RIMBP2: variants seen among roughly 807,000 people sequenced by gnomAD.
The protein encoded by RIMBP2 is RIMS-binding protein 2.
A neutral mutation model predicts 118.6 loss-of-function variants in RIMBP2; 48 were observed. The ratio of observed to expected loss-of-function variants is 0.40; its 90% confidence interval spans 0.32 to 0.51. RIMBP2 has a LOEUF of 0.51. Among genes scored for constraint, RIMBP2 ranks in the 20% least tolerant of loss-of-function variants. The pLI, the probability that RIMBP2 is intolerant of heterozygous loss-of-function variation, is 0.41. For missense variants in RIMBP2, 1,551 were observed against 1,768.3 expected (o/e 0.88, Z 2.20); for synonymous variants, 762 against 742.9 (o/e 1.03, Z -0.42).
At chr12:130,579,624 A>G (rs1312046523) in intron 2 of RIMBP2, among the ~76,000 whole-genome samples, 1 of 152,158 alleles carries the variant, frequency 6.6e-6, no homozygotes, top group Non-Finnish European at 1.5e-5. Context: ...GAGAATCAGC[A>G]AACCTGGAGG....
At position 130,550,509 on chromosome 12, in the gene RIMBP2, G is replaced by A. The variant is rs555915877; in HGVS notation, c.-216-32592C>T. ...GGGTGAATGTTGGTGTCCAGGCTGT[G>A]GTCATGGTACCACGGTGGTGAATGA... On this transcript the variant is annotated intron_variant, in intron 2 of 22. Transcript: ENST00000690449. Among the ~76,000 whole-genome samples, 16 of 152,282 alleles carry A rather than the reference G, an allele frequency of 1.1e-4. No homozygotes were observed. The East Asian group carries it at 2.1e-3, about 20-fold the overall frequency.
intron 1 of RIMBP2, among the ~76,000 whole-genome samples, chr12:130,656,173 G>T (rs775501101): frequency 2.0e-5 from 3 of 152,144 alleles, no homozygotes; most frequent in Non-Finnish European, 4.4e-5. Context: ...AGCGAGCCTC[G>T]GTTTGTCTAA....
chr12:130,693,963 C>A (rs1039145246), intron 1 of RIMBP2, among the ~76,000 whole-genome samples: 1 of 152,152 alleles, frequency 6.6e-6, no homozygotes, highest in Non-Finnish European at 1.5e-5. Context: ...CAGAGGGAGC[C>A]CAGGTCCCTA....
Position 130,525,398 on chromosome 12 carries a change from C to T in RIMBP2, c.-216-7481G>A, listed in dbSNP as rs2052666324. ...GGAAGAGGGAGGAGATGCTTTTTTG[C>T]AGAGTGCTGGGTGAGAAGAGGCGCA... is the stretch of plus-strand genomic sequence containing the variant. On this transcript the variant is annotated intron_variant, in intron 2 of 22. Coordinates refer to ENST00000690449, the MANE Select transcript of RIMBP2 (RefSeq NM_001393629.1). The surrounding 1 kb of genome is among the most constrained non-coding windows in gnomAD (Gnocchi z 4.4). 6.6e-6 allele frequency among the ~76,000 whole-genome samples: 1 copy of T among 152,028 alleles called. No homozygotes were observed. The highest frequency in any genetic ancestry group is 1.5e-5 in the Non-Finnish European group (1 of 67,984).
intron 2 of RIMBP2, among the ~76,000 whole-genome samples, chr12:130,532,824 T>G (rs1459522123): frequency 2.0e-5 from 3 of 147,062 alleles, no homozygotes; most frequent in East Asian, 2.1e-4. Flanking sequence ...CTCTAGGAGT[T>G]ACGTCTAATG....
At chr12:130,711,568 G>A (rs887421310) in intron 1 of RIMBP2, among the ~76,000 whole-genome samples, 4 of 152,082 alleles carry the variant, frequency 2.6e-5, no homozygotes, top group East Asian at 1.9e-4. Context: ...TACTTAGGAC[G>A]TCATTTGGAC....
rs577463400 is a variant in RIMBP2, at chr12:130,440,007, C to T, written c.1505-1491G>A. Among the ~76,000 whole-genome samples, 6 of 151,838 alleles carry T rather than the reference C, an allele frequency of 4.0e-5. No homozygotes were observed. The South Asian group carries it at 8.3e-4, about 21-fold the overall frequency. On this transcript the variant is annotated intron_variant, in intron 11 of 22. Coordinates refer to ENST00000690449, the MANE Select transcript of RIMBP2 (RefSeq NM_001393629.1). Reference sequence around the variant, plus strand: ...GGGTGTGTGTGAGTATAAGCACATCCGTATCTCCCACCAGCTGTGTTACTC... The same window carrying T: ...GGGTGTGTGTGAGTATAAGCACATCTGTATCTCCCACCAGCTGTGTTACTC...
chr12:130,684,566 G>A (rs7314108), intron 1 of RIMBP2, among the ~76,000 whole-genome samples: 40,307 of 152,124 alleles, frequency 0.26, 5,924 homozygotes, highest in South Asian at 0.37. Context: ...TTTCCAGGCT[G>A]TAGATGTTTA....
chr12:130,537,465 A>C (rs1464108), intron 2 of RIMBP2, among the ~76,000 whole-genome samples: 102,583 of 152,114 alleles, frequency 0.67, 35,144 homozygotes, highest in East Asian at 0.9. Context: ...GGCCTCCCAG[A>C]ACCCCCACAT....
rs149883434 is a variant in RIMBP2 at position 130,523,713 on chromosome 12, C to T, written c.-216-5796G>A. Among the ~76,000 whole-genome samples, 1,793 of 152,324 alleles carry T rather than the reference C, an allele frequency of 0.012. 29 individuals carry two copies. The highest frequency in any genetic ancestry group is 0.039 in the African/African-American group (1,639 of 41,570). On this transcript the variant is annotated intron_variant, in intron 2 of 22. Transcript: ENST00000690449. This position sits in a 1 kb window ranked among gnomAD's most constrained non-coding sequence, Gnocchi z 4.4. ...ACCACTGAGTGTGTATGTGTCAGTA[C>T]CGGGCTCAGCAGGGGGCCCTGAGTG...
intron 1 of RIMBP2, among the ~76,000 whole-genome samples, chr12:130,666,255 A>T (rs969143570): frequency 2.6e-5 from 4 of 152,186 alleles, no homozygotes; most frequent in African/African-American, 9.7e-5. Flanking sequence ...AGGGATATGG[A>T]AGCAGCAAGT....
chr12:130,649,289 G>GGA lies in RIMBP2; in HGVS notation c.-351-20835_-351-20834dup, dbSNP rs1454126042. ...GACGTACGTTTCTCTCCTCCTCAGCGGAGAGATGAGTGCTCCCGGCCGGAG... is the reference window on the plus strand; with the variant it reads ...GACGTACGTTTCTCTCCTCCTCAGCGGAGAGAGATGAGTGCTCCCGGCCGGAG... On this transcript the variant is annotated intron_variant, in intron 1 of 22. Coordinates refer to ENST00000690449, the MANE Select transcript of RIMBP2 (RefSeq NM_001393629.1). 1.8e-5 allele frequency among the ~76,000 whole-genome samples: 2 copies of GGA among 109,550 alleles called. 1 individual carries two copies. Among genetic ancestry groups the GGA allele is most frequent in the Non-Finnish European group, 4.7e-5 (2 of 42,448 alleles). 71.9% of individuals were successfully genotyped at this position (109,550 alleles called of 152,430 possible). A position where few individuals can be genotyped will look rare whatever the true frequency, so the allele number is the denominator to read the frequency against.
At chr12:130,463,809 T>C (rs1593397621) in intron 6 of RIMBP2, among the ~76,000 whole-genome samples, 1 of 151,528 alleles carries the variant, frequency 6.6e-6, no homozygotes, top group Admixed American at 6.6e-5. Flanking sequence ...CAGGATGAGA[T>C]AGGAGCTCAG....
At chr12:130,427,315 TTGTC>T (rs1335369051) in intron 15 of RIMBP2, 4 of 152,272 alleles carry the variant, frequency 2.6e-5, no homozygotes, top group Non-Finnish European at 4.4e-5. Flanking sequence ...TGGCTTGCCT[TTGTC>T]TGTCTCCCCA....
chr12:130,462,292 C>T (rs1266235439), intron 6 of RIMBP2, among the ~76,000 whole-genome samples: 5 of 152,174 alleles, frequency 3.3e-5, no homozygotes, highest in African/African-American at 1.2e-4. Context: ...GCATTGAACA[C>T]GCACTTACAG....
intron 6 of RIMBP2, among the ~76,000 whole-genome samples, chr12:130,457,323 C>T (rs1053285869): frequency 2.0e-5 from 3 of 152,190 alleles, no homozygotes; most frequent in East Asian, 1.9e-4. Flanking sequence ...GAAGCCACGT[C>T]GGGAGCCCTG....
rs1300587495 is a variant in RIMBP2, at chr12:130,622,104, C to T, written c.-217+6218G>A. Among the ~76,000 whole-genome samples the T allele has an allele frequency of 6.6e-6, 1 of 152,208 alleles. No individual in the cohort carries two copies. Among genetic ancestry groups the T allele is most frequent in the East Asian group, 1.9e-4 (1 of 5,196 alleles). ...GAGCCATTTTAACTAGACATTTCCG[C>T]ACAAATAAAATTAGGCCGAGACAGT... On this transcript the variant is annotated intron_variant, in intron 2 of 22. Coordinates refer to ENST00000690449, the MANE Select transcript of RIMBP2 (RefSeq NM_001393629.1). The surrounding 1 kb of genome is among the most constrained non-coding windows in gnomAD (Gnocchi z 8.5).
chr12:130,706,220 A>G (rs2066112988), intron 1 of RIMBP2, among the ~76,000 whole-genome samples: 1 of 152,220 alleles, frequency 6.6e-6, no homozygotes, highest in Non-Finnish European at 1.5e-5. Flanking sequence ...TGCCGTCCCC[A>G]TCTGAATGGA....
intron 1 of RIMBP2, among the ~76,000 whole-genome samples, chr12:130,640,914 A>G (rs1459143488): frequency 6.6e-6 from 1 of 152,246 alleles, no homozygotes; most frequent in Non-Finnish European, 1.5e-5. Context: ...GGCCTTTGGA[A>G]ACATTAAATT....
Sources: allele counts gnomAD v4.1 joint callset (sites outside exome capture counted in the v4.1 genomes callset), GRCh38; gene constraint gnomAD v4.1.1; non-coding constraint Gnocchi (gnomAD v3.1); transcripts MANE v1.5; gene names NCBI Gene and HGNC (gene_info 2026-07-23, HGNC 2026-07-21).